The following AGR2 variants were observed in gnomAD, a reference collection of about 807,000 sequenced individuals.
AGR2 encodes the protein anterior gradient 2, protein disulphide isomerase family member.
Under a neutral mutation model 25.9 loss-of-function variants are expected in AGR2, and 27 were observed. The observed-to-expected ratio is 1.04, with a 90% CI of 0.77 to 1.44. AGR2 has a LOEUF of 1.44. Ranked by LOEUF, AGR2 falls within the 40% of genes most tolerant of loss-of-function variation. The probability of loss-of-function intolerance (pLI) is 0.00; values close to 1 mark genes in which losing one functional copy is unlikely to be tolerated. For missense variants in AGR2, 182 were observed against 200.9 expected (o/e 0.91, Z 0.57); for synonymous variants, 78 against 72.0 (o/e 1.08, Z -0.42).
In AGR2 at chr7:16,792,628, TG is replaced by T. The variant is rs1403670388; in HGVS notation, c.*279del. ...ATCCTATTTGGTAAACGAACCACTGTGAAAGACCAAGTTGGAGAAAACAGAA... is the reference window on the plus strand; with the variant it reads ...ATCCTATTTGGTAAACGAACCACTGTAAAGACCAAGTTGGAGAAAACAGAA... On this transcript the variant is annotated 3_prime_UTR_variant, in exon 8 of 8. Transcript: ENST00000419304. 4 of 390,812 alleles carry T rather than the reference TG, an allele frequency of 1.0e-5. No individual in the cohort carries two copies. The Admixed American group carries it at 1.6e-4, about 16-fold the overall frequency. 24.2% of individuals were successfully genotyped at this position (390,812 alleles called of 1,614,324 possible).
chr7:16,801,696 T>C lies in AGR2; in HGVS notation c.101A>G (p.Lys34Arg), dbSNP rs562572350. The change falls in exon 2 of 8, where the codon AAG becomes AGG. Residue 34 changes from lysine to arginine, a missense_variant. Transcript: ENST00000419304. The stretch of plus-strand genomic sequence containing the variant: ...CTGGGGCAGTTTGGGTCGAGAGTCC[T>C]TTGTGTCCTTTTTGGCTCCAGGTTT... Reference protein sequence around the residue: ...TVKPGAKKDTKDSRPKLPQTL... With the variant: ...TVKPGAKKDTRDSRPKLPQTL... The C allele has an allele frequency of 2.5e-6, 4 of 1,613,730 alleles. No individual in the cohort carries two copies. Among genetic ancestry groups the C allele is most frequent in the Non-Finnish European group, 2.5e-6 (3 of 1,179,980 alleles).
chr7:16,801,755 G>T lies in AGR2; in HGVS notation c.42C>A (p.Ala14=). 1 of 1,612,968 alleles carries T rather than the reference G, an allele frequency of 6.2e-7. No individual in the cohort carries two copies. The highest frequency in any genetic ancestry group is 1.1e-5 in the South Asian group (1 of 90,950). Residue 14 remains alanine, a synonymous_variant, in exon 2 of 8, where the codon GCC becomes GCA. Transcript: ENST00000419304. ...IPVSAFLLLV[A]LSYTLARDTT... ...TATCTCTGGCCAGAGTGTAGGAGAG[G>T]GCCACAAGGAGCAAGAATGCTGACA...
chr7:16,804,016 T>C (rs1785193682), intron 1 of AGR2, among the ~76,000 whole-genome samples: 1 of 152,214 alleles, frequency 6.6e-6, no homozygotes, highest in Non-Finnish European at 1.5e-5. Flanking sequence ...TATTAGGACC[T>C]TGCAGTATCT....
intron 6 of AGR2, among the ~76,000 whole-genome samples, chr7:16,797,221 C>A (rs10251978): frequency 6.6e-6 from 1 of 151,990 alleles, no homozygotes; most frequent in Non-Finnish European, 1.5e-5. Flanking sequence ...AGCCACCCAG[C>A]CTTATTCCTA....
intron 7 of AGR2, among the ~76,000 whole-genome samples, chr7:16,793,583 G>T (rs1221479837): frequency 6.6e-6 from 1 of 152,188 alleles, no homozygotes; most frequent in Non-Finnish European, 1.5e-5. Context: ...ATGTCTATTA[G>T]TAGGTGTGTG....
In AGR2 at chr7:16,796,991, G is replaced by A. The variant is rs532942039; in HGVS notation, c.394+640C>T. Among the ~76,000 whole-genome samples, 5 of 151,624 alleles carry A rather than the reference G, an allele frequency of 3.3e-5. No homozygotes were observed. In the East Asian group the frequency reaches 5.8e-4, roughly 18 times the overall value. On this transcript the variant is annotated intron_variant, in intron 6 of 7. Coordinates refer to ENST00000419304, the MANE Select transcript of AGR2 (RefSeq NM_006408.4). The stretch of plus-strand genomic sequence containing the variant: ...GGCTGGAGTGCAGTGGTGCCATCTC[G>A]GCTCACTGCAACCTCTGCCTCTTGG...
chr7:16,802,220 A>C (rs1785161189), intron 1 of AGR2, among the ~76,000 whole-genome samples: 1 of 152,160 alleles, frequency 6.6e-6, no homozygotes, highest in African/African-American at 2.4e-5. Context: ...TTTTATTATT[A>C]GCTCTTATTA....
At chr7:16,802,334 G>GC (rs1315112048) in intron 1 of AGR2, among the ~76,000 whole-genome samples, 1 of 152,062 alleles carries the variant, frequency 6.6e-6, no homozygotes, top group Admixed American at 6.6e-5. Context: ...GCGGTTTCAG[G>GC]CATCCACTGA....
In AGR2 at chr7:16,797,662, A is replaced by G; in HGVS notation, c.363T>C (p.Asp121=). ...YETTDKHLSP[D]GQYVPRIMFV... is the part of the protein sequence containing the mutation. The stretch of plus-strand genomic sequence containing the variant: ...ACATAATCCTGGGGACATACTGGCC[A>G]TCAGGAGAAAGGTGTTTGTCAGTTG... The change falls in exon 6 of 8, where the codon GAT becomes GAC. Residue 121 remains aspartate, a synonymous_variant. Transcript: ENST00000419304. 1 of 1,614,066 alleles carries G rather than the reference A, an allele frequency of 6.2e-7. No homozygotes were observed. The highest frequency in any genetic ancestry group is 8.5e-7 in the Non-Finnish European group (1 of 1,179,972).
intron 2 of AGR2, 132 bp downstream of exon 2, chr7:16,801,526 C>T: frequency 7.4e-7 from 1 of 1,360,306 alleles, no homozygotes; most frequent in Non-Finnish European, 1.0e-6. Flanking sequence ...TAATTATAAA[C>T]AGTGATAAGT....
At chr7:16,802,879 C>T (rs1380381768) in intron 1 of AGR2, among the ~76,000 whole-genome samples, 1 of 152,160 alleles carries the variant, frequency 6.6e-6, no homozygotes, top group East Asian at 1.9e-4. Flanking sequence ...GTTGCCCAGG[C>T]TGGAGTACAG....
intron 5 of AGR2, among the ~76,000 whole-genome samples, chr7:16,798,988 C>G (rs1187849357): frequency 6.6e-6 from 1 of 151,922 alleles, no homozygotes; most frequent in Non-Finnish European, 1.5e-5. Flanking sequence ...ATTAGTGTGT[C>G]GGAATTGATT....
intron 1 of AGR2, among the ~76,000 whole-genome samples, chr7:16,802,583 C>A (rs371043266): frequency 6.6e-6 from 1 of 152,138 alleles, no homozygotes; most frequent in African/African-American, 2.4e-5. Context: ...ACTTGAAATA[C>A]AGTTTCTACT....
intron 1 of AGR2, among the ~76,000 whole-genome samples, chr7:16,802,200 A>C (rs1785160750): frequency 6.6e-6 from 1 of 152,120 alleles, no homozygotes; most frequent in Admixed American, 6.6e-5. Flanking sequence ...ATACTGTTGT[A>C]ATTGTTCTGT....
In AGR2 at chr7:16,802,375, G is replaced by T. The variant is rs547550332; in HGVS notation, c.-7-572C>A. ...ATGGACCATAACCCCCACAGATAAT[G>T]GGGGAACTACCGTAATACACCTAAC... On this transcript the variant is annotated intron_variant, in intron 1 of 7. Transcript: ENST00000419304. 3.3e-5 allele frequency among the ~76,000 whole-genome samples: 5 copies of T among 152,278 alleles called. No homozygotes were observed. In the East Asian group the frequency reaches 9.7e-4, roughly 29 times the overall value.
At chr7:16,801,292 G>A (rs186188967) in intron 3 of AGR2, 28 bp downstream of exon 3, 1 of 1,609,666 alleles carries the variant, frequency 6.2e-7, no homozygotes, top group East Asian at 2.2e-5. Context: ...AGAGCTTTGA[G>A]GGAGCTCTGA....
At chr7:16,799,873 G>T in intron 4 of AGR2, 56 bp from the exon 5 acceptor site, 3 of 1,237,884 alleles carry the variant, frequency 2.4e-6, no homozygotes, top group Non-Finnish European at 3.5e-6. Flanking sequence ...TAAAAGCTTT[G>T]TTCAATTTTC....
At chr7:16,795,076 A>G in intron 6 of AGR2, 57 bp from the exon 7 acceptor site, 1 of 1,583,462 alleles carries the variant, frequency 6.3e-7, no homozygotes, top group Non-Finnish European at 8.7e-7. Context: ...AACAACCTGT[A>G]TTTATTGCCC....
At position 16,792,398 on chromosome 7, in the gene AGR2, G is replaced by A. The variant is rs930720786; in HGVS notation, c.*510C>T. ...GCCAGAGTTGACTCTAGGTAGTGAT[G>A]TGATTTTCTTGGGATGTTTTTCTAA... On this transcript the variant is annotated 3_prime_UTR_variant, in exon 8 of 8. Transcript: ENST00000419304. The A allele has an allele frequency of 6.5e-6, 1 of 153,462 alleles. No homozygotes were observed. Among genetic ancestry groups the A allele is most frequent in the Non-Finnish European group, 1.5e-5 (1 of 68,620 alleles). 9.5% of individuals were successfully genotyped at this position (153,462 alleles called of 1,614,324 possible). A position where few individuals can be genotyped will look rare whatever the true frequency, so the allele number is the denominator to read the frequency against.
Sources: allele counts gnomAD v4.1 joint callset (sites outside exome capture counted in the v4.1 genomes callset), GRCh38; gene constraint gnomAD v4.1.1; transcripts MANE v1.5; gene names NCBI Gene and HGNC (gene_info 2026-07-23, HGNC 2026-07-21).